Variants in ZNF652 observed in about 807,000 individuals in gnomAD.
ZNF652 encodes zinc finger protein 652.
A neutral mutation model predicts 45.2 loss-of-function variants in ZNF652; 16 were observed. The observed-to-expected ratio is 0.35, with a 90% CI of 0.24 to 0.54. The LOEUF (loss-of-function observed/expected upper bound fraction) is 0.54. Among genes scored for constraint, ZNF652 ranks in the 20% least tolerant of loss-of-function variants. The probability of loss-of-function intolerance (pLI) is 0.91; values close to 1 mark genes in which losing one functional copy is unlikely to be tolerated. For synonymous variants in ZNF652, 250 were observed against 260.6 expected, an observed-to-expected ratio of 0.96 and a Z score of 0.39; for missense variants, 614 against 765.6, an observed-to-expected ratio of 0.80 and a Z score of 2.34.
chr17:49,341,489 C>CAAAAAAAAAA (rs754847307), intron 1 of ZNF652, among the ~76,000 whole-genome samples: 2 of 82,186 alleles, frequency 2.4e-5, no homozygotes, highest in Non-Finnish European at 2.3e-5. Flanking sequence ...CTCATCTCTA[C>CAAAAAAAAAA]AAAAAAAAAA....
intron 1 of ZNF652, among the ~76,000 whole-genome samples, chr17:49,351,039 ACACAC>A: frequency 7.2e-6 from 1 of 138,884 alleles, no homozygotes; most frequent in African/African-American, 2.8e-5. Flanking sequence ...ACACACACAC[ACACAC>A]ACACACACAC....
chr17:49,288,581 A>G (rs188686112), downstream of ZNF652: 8 of 152,296 alleles, frequency 5.3e-5, no homozygotes, highest in South Asian at 8.3e-4. Context: ...CTGACATTAT[A>G]TAAGATCATC....
chr17:49,295,583 T>C lies in ZNF652; in HGVS notation c.*2830A>G, dbSNP rs571112236. ...ATTACAGTACAACCTCATGAAATGG[T>C]TGATTCTGTGGTCTCAAGTCTAGAA... is the stretch of plus-strand genomic sequence containing the variant. On this transcript the variant is annotated 3_prime_UTR_variant, in exon 6 of 6. Transcript: ENST00000430262. 2.6e-5 allele frequency: 4 copies of C among 152,556 alleles called. No homozygotes were observed. The highest frequency in any genetic ancestry group is 2.1e-4 in the South Asian group (1 of 4,828). The allele number at this position is 152,556 out of a possible 1,614,324, so 9.5% of individuals were successfully genotyped here.
intron 1 of ZNF652, among the ~76,000 whole-genome samples, chr17:49,348,159 T>C (rs145177068): frequency 1.3e-5 from 2 of 152,172 alleles, no homozygotes; most frequent in Non-Finnish European, 2.9e-5. Flanking sequence ...ATTCAGACTA[T>C]GGAAAACTAT....
In ZNF652 at chr17:49,295,863, G is replaced by T. The variant is rs942448559; in HGVS notation, c.*2550C>A. On this transcript the variant is annotated 3_prime_UTR_variant, in exon 6 of 6. Coordinates refer to ENST00000430262, the MANE Select transcript of ZNF652 (RefSeq NM_001145365.3). The stretch of plus-strand genomic sequence containing the variant: ...TGAGGCAGGAGAATCACTTGAACCC[G>T]GGGGGCGGGGGTTGCAGTGAGCCAA... 6.8e-6 allele frequency: 1 copy of T among 146,230 alleles called. No individual in the cohort carries two copies. The highest frequency in any genetic ancestry group is 2.5e-5 in the African/African-American group (1 of 39,812). 9.1% of individuals were successfully genotyped at this position (146,230 alleles called of 1,614,324 possible). A position where few individuals can be genotyped will look rare whatever the true frequency, so the allele number is the denominator to read the frequency against.
chr17:49,305,599 A>T (rs1210782938), intron 5 of ZNF652, among the ~76,000 whole-genome samples: 2 of 152,224 alleles, frequency 1.3e-5, no homozygotes, highest in Non-Finnish European at 2.9e-5. Flanking sequence ...AAGTGCTTAC[A>T]ACAGTATCTG....
chr17:49,293,107 G>A lies in ZNF652; in HGVS notation c.*5306C>T, dbSNP rs918160705. Among the ~76,000 whole-genome samples, 2 of 152,192 alleles carry A rather than the reference G, an allele frequency of 1.3e-5. No individual in the cohort carries two copies. The highest frequency in any genetic ancestry group is 2.9e-5 in the Non-Finnish European group (2 of 68,040). The stretch of plus-strand genomic sequence containing the variant: ...AGAAATAAAACAACTCCAGGAACCT[G>A]TGACCATACATATATTATTGAGTAA... On this transcript the variant is annotated 3_prime_UTR_variant, in exon 6 of 6. Coordinates refer to ENST00000430262, the MANE Select transcript of ZNF652 (RefSeq NM_001145365.3).
chr17:49,351,041 A>C (rs2070276866), intron 1 of ZNF652, among the ~76,000 whole-genome samples: 1 of 134,760 alleles, frequency 7.4e-6, no homozygotes, highest in Non-Finnish European at 1.6e-5. Flanking sequence ...ACACACACAC[A>C]CACACACACA....
chr17:49,345,642 C>T (rs984034644), intron 1 of ZNF652, among the ~76,000 whole-genome samples: 3 of 150,060 alleles, frequency 2.0e-5, no homozygotes, highest in Non-Finnish European at 4.4e-5. Flanking sequence ...GAGATCGAGA[C>T]CATCCTGGCT....
At position 49,298,132 on chromosome 17, in the gene ZNF652, A is replaced by C. The variant is rs966365711; in HGVS notation, c.*281T>G. The C allele has an allele frequency of 9.1e-6, 4 of 440,744 alleles. No homozygotes were observed. The highest frequency in any genetic ancestry group is 1.6e-5 in the Non-Finnish European group (4 of 246,266). The allele number at this position is 440,744 out of a possible 1,614,324, so 27.3% of individuals were successfully genotyped here. ...TCATCAGCTGATATGAAATTATAAAATTCCACAAGTCTGAGTATTTGAAAC... is the reference window on the plus strand; with the variant it reads ...TCATCAGCTGATATGAAATTATAAACTTCCACAAGTCTGAGTATTTGAAAC... On this transcript the variant is annotated 3_prime_UTR_variant, in exon 6 of 6. Transcript: ENST00000430262.
At chr17:49,336,013 T>C (rs1464582687) in intron 1 of ZNF652, among the ~76,000 whole-genome samples, 4 of 151,418 alleles carry the variant, frequency 2.6e-5, no homozygotes, top group African/African-American at 4.8e-5. Flanking sequence ...GTCATATCTA[T>C]TGTTACCTTT....
intron 1 of ZNF652, among the ~76,000 whole-genome samples, chr17:49,356,904 C>G (rs956927082): frequency 6.6e-6 from 1 of 151,754 alleles, no homozygotes; most frequent in Non-Finnish European, 1.5e-5. Flanking sequence ...CCTAAGAAAT[C>G]CTATTTTACA....
intron 3 of ZNF652, 49 bp downstream of exon 3, chr17:49,312,649 G>C (rs772940901): frequency 2.0e-5 from 31 of 1,588,520 alleles, no homozygotes; most frequent in Non-Finnish European, 2.6e-5. Context: ...AAAGCACACA[G>C]AAGAACAAGG....
chr17:49,332,434 T>G (rs1175579766), intron 1 of ZNF652, among the ~76,000 whole-genome samples: 1 of 152,194 alleles, frequency 6.6e-6, no homozygotes, highest in Non-Finnish European at 1.5e-5. Context: ...AACACACCTC[T>G]GCCTTTTCCT....
chr17:49,346,500 G>A (rs1366266850), intron 1 of ZNF652, among the ~76,000 whole-genome samples: 3 of 152,206 alleles, frequency 2.0e-5, no homozygotes, highest in Non-Finnish European at 4.4e-5. Context: ...GCACTGAGCT[G>A]AGATCATACC....
At chr17:49,354,795 G>A (rs1028928679) in intron 1 of ZNF652, among the ~76,000 whole-genome samples, 25 of 151,720 alleles carry the variant, frequency 1.6e-4, no homozygotes, top group African/African-American at 2.4e-5. Flanking sequence ...GTGCAATCTT[G>A]GCTCACTGCA....
intron 1 of ZNF652, among the ~76,000 whole-genome samples, chr17:49,354,708 G>A (rs1032212329): frequency 6.6e-6 from 1 of 151,438 alleles, no homozygotes; most frequent in Non-Finnish European, 1.5e-5. Context: ...TATTCTGAAA[G>A]TTACCTAGCT....
intron 2 of ZNF652, among the ~76,000 whole-genome samples, chr17:49,314,144 C>T (rs1598293477): frequency 6.6e-6 from 1 of 151,838 alleles, no homozygotes; most frequent in Middle Eastern, 3.4e-3. Context: ...CTTAGTATTA[C>T]TCTCTCTCCT....
At chr17:49,333,800 T>C (rs1470533052) in intron 1 of ZNF652, among the ~76,000 whole-genome samples, 1 of 151,612 alleles carries the variant, frequency 6.6e-6, no homozygotes, top group Non-Finnish European at 1.5e-5. Flanking sequence ...TATTCAGCAT[T>C]AGTGAAATGC....
Sources: gnomAD v4.1 joint callset for allele counts (sites outside exome capture counted in the v4.1 genomes callset) on GRCh38, gnomAD v4.1.1 for gene constraint, MANE v1.5 for transcripts, NCBI Gene and HGNC (gene_info 2026-07-23, HGNC 2026-07-21) for gene names.